The following HHIP variants were observed in gnomAD, a reference collection of about 807,000 sequenced individuals.
HHIP encodes hedgehog-interacting protein.
HHIP carries 12 observed loss-of-function variants against 74.0 expected under a neutral mutation model. That is an observed-to-expected ratio of 0.16 (90% CI 0.10 to 0.26). The LOEUF is 0.26. Ranked by LOEUF, HHIP falls within the 10% of genes least tolerant of loss-of-function variation. HHIP has a pLI of 1.00. For synonymous variants in HHIP, 309 were observed against 311.6 expected (o/e 0.99, Z 0.09); for missense variants, 788 against 845.0 (o/e 0.93, Z 0.84).
At chr4:144,648,317 C>G (rs760709398) in intron 1 of HHIP, 1 of 152,226 alleles carries the variant, frequency 6.6e-6, no homozygotes, top group African/African-American at 2.4e-5. Flanking sequence ...AACTAGAGAA[C>G]ATCATTCTCT....
intron 4 of HHIP, among the ~76,000 whole-genome samples, chr4:144,695,373 T>C (rs1729785838): frequency 6.6e-6 from 1 of 151,858 alleles, no homozygotes; most frequent in African/African-American, 2.4e-5. Context: ...TAATTGAATA[T>C]CCAAATTTAA....
At chr4:144,720,015 T>C (rs1279401317) in intron 11 of HHIP, among the ~76,000 whole-genome samples, 3 of 152,200 alleles carry the variant, frequency 2.0e-5, no homozygotes, top group Non-Finnish European at 4.4e-5. Context: ...CATTGGCTCT[T>C]GCAGAACAAA....
chr4:144,656,970 C>A (rs1450424653), intron 2 of HHIP, among the ~76,000 whole-genome samples: 1 of 151,914 alleles, frequency 6.6e-6, no homozygotes, highest in Non-Finnish European at 1.5e-5. Flanking sequence ...CACTTCCCAG[C>A]TGCTTGCCTC....
At chr4:144,720,069 C>T (rs1463882348) in intron 11 of HHIP, among the ~76,000 whole-genome samples, 4 of 152,184 alleles carry the variant, frequency 2.6e-5, no homozygotes, top group Non-Finnish European at 5.9e-5. Flanking sequence ...TCACATATCA[C>T]ATATCACAGG....
In HHIP at chr4:144,646,916, C is replaced by T; in HGVS notation, c.241C>T (p.Arg81Trp). The T allele has an allele frequency of 6.2e-7, 1 of 1,613,314 alleles. No homozygotes were observed. Among genetic ancestry groups the T allele is most frequent in the South Asian group, 1.1e-5 (1 of 91,014 alleles). ...CTACCCTCGGCTGTCCTGCTGCCTGCGGAGTGACAGCCCGGGGCTAGGGCG... is the reference window on the plus strand; with the variant it reads ...CTACCCTCGGCTGTCCTGCTGCCTGTGGAGTGACAGCCCGGGGCTAGGGCG... ...GFYPRLSCCL[R>W]SDSPGLGRLE... The change falls in exon 1 of 13, where the codon CGG becomes TGG. Residue 81 changes from arginine to tryptophan, a missense_variant. Transcript: ENST00000296575.
intron 4 of HHIP, among the ~76,000 whole-genome samples, chr4:144,685,857 C>T (rs1729470668): frequency 6.6e-6 from 1 of 152,168 alleles, no homozygotes; most frequent in Admixed American, 6.5e-5. Flanking sequence ...AACTGAAGCA[C>T]ATTTTAAATT....
At chr4:144,648,272 C>T (rs182026416) in intron 1 of HHIP, 10 of 152,322 alleles carry the variant, frequency 6.6e-5, no homozygotes, top group Admixed American at 1.3e-4. Context: ...AACAACAACA[C>T]CATTGTATTT....
At chr4:144,677,616 G>T (rs542600510) in intron 4 of HHIP, among the ~76,000 whole-genome samples, 1 of 152,180 alleles carries the variant, frequency 6.6e-6, no homozygotes. Flanking sequence ...GGTGTTGTTA[G>T]TAGAGAAAGG....
At chr4:144,721,125 T>C (rs1730622274) in intron 11 of HHIP, among the ~76,000 whole-genome samples, 1 of 152,204 alleles carries the variant, frequency 6.6e-6, no homozygotes, top group Non-Finnish European at 1.5e-5. Flanking sequence ...CCAGGTTTGC[T>C]AGAATAATGT....
At chr4:144,683,807 T>G (rs1258089696) in intron 4 of HHIP, among the ~76,000 whole-genome samples, 2 of 152,132 alleles carry the variant, frequency 1.3e-5, no homozygotes, top group Admixed American at 6.5e-5. Context: ...CACAAAGCCT[T>G]ACGTATTTAA....
chr4:144,681,146 A>G (rs1729326446), intron 4 of HHIP, among the ~76,000 whole-genome samples: 2 of 152,178 alleles, frequency 1.3e-5, no homozygotes, highest in Non-Finnish European at 2.9e-5. Context: ...TATCAGATTC[A>G]CCATCTTTCA....
At chr4:144,714,445 T>C in intron 9 of HHIP, 97 bp downstream of exon 9, 1 of 1,256,496 alleles carries the variant, frequency 8.0e-7, no homozygotes, top group African/African-American at 1.5e-5. Flanking sequence ...ATTGTCTCTT[T>C]TTGTGCATCA....
chr4:144,734,961 T>C, intron 12 of HHIP, 72 bp downstream of exon 12: 3 of 1,389,978 alleles, frequency 2.2e-6, no homozygotes, highest in South Asian at 1.4e-5. Flanking sequence ...AACTCAACAT[T>C]GATTGTTTCT....
intron 4 of HHIP, among the ~76,000 whole-genome samples, chr4:144,681,698 C>T (rs1729350000): frequency 6.6e-6 from 1 of 152,220 alleles, no homozygotes; most frequent in Non-Finnish European, 1.5e-5. Context: ...GCTGGGATTA[C>T]AGGCGTGAGC....
chr4:144,699,802 A>T (rs1266361979), intron 4 of HHIP, among the ~76,000 whole-genome samples: 1 of 152,030 alleles, frequency 6.6e-6, no homozygotes, highest in Admixed American at 6.6e-5. Context: ...TCCTTCCCAT[A>T]AGTTAACCCA....
Position 144,679,140 on chromosome 4 carries a change from GT to G in HHIP, c.831+19312del, listed in dbSNP as rs369878904. 6.8e-4 allele frequency among the ~76,000 whole-genome samples: 102 copies of G among 149,944 alleles called. 1 individual carries two copies. Among genetic ancestry groups the G allele is most frequent in the South Asian group, 1.1e-3 (5 of 4,726 alleles). ...TTTCTCTAATGACCAGGGATGATTA[GT>G]TTTTTTTTTCTATGTTTGTTGGCCG... On this transcript the variant is annotated intron_variant, in intron 4 of 12. Coordinates refer to ENST00000296575, the MANE Select transcript of HHIP (RefSeq NM_022475.3).
intron 1 of HHIP, among the ~76,000 whole-genome samples, chr4:144,648,969 C>T (rs1049683679): frequency 2.6e-5 from 4 of 152,162 alleles, no homozygotes; most frequent in Non-Finnish European, 4.4e-5. Flanking sequence ...TAGACTTTTG[C>T]TGGTTCTATT....
chr4:144,671,057 C>T lies in HHIP; in HGVS notation c.831+11219C>T, dbSNP rs141928283. On this transcript the variant is annotated intron_variant, in intron 4 of 12. Coordinates refer to ENST00000296575, the MANE Select transcript of HHIP (RefSeq NM_022475.3). ...CTGTGACCCGAGGTTGAAAAAGTCA[C>T]ATAGTTCATCCTCTTACCCTGTCTG... 3.0e-4 allele frequency among the ~76,000 whole-genome samples: 45 copies of T among 152,260 alleles called. 1 individual carries two copies. The highest frequency in any genetic ancestry group is 1.1e-3 in the African/African-American group (45 of 41,574).
At chr4:144,684,774 A>G (rs1729442649) in intron 4 of HHIP, among the ~76,000 whole-genome samples, 1 of 152,152 alleles carries the variant, frequency 6.6e-6, no homozygotes. Context: ...TCCATATACC[A>G]GACTAGTGAA....
Sources: gnomAD v4.1 joint callset for allele counts (sites outside exome capture counted in the v4.1 genomes callset) on GRCh38, gnomAD v4.1.1 for gene constraint, MANE v1.5 for transcripts, NCBI Gene and HGNC (gene_info 2026-07-23, HGNC 2026-07-21) for gene names.